The following RPAP3 variants were observed in gnomAD, a reference collection of about 807,000 sequenced individuals.
RPAP3 encodes RNA polymerase II-associated protein 3.
In RPAP3, 58 loss-of-function variants were observed where a neutral mutation model predicts 88.8. That is an observed-to-expected ratio of 0.65 (90% CI 0.53 to 0.81). RPAP3 has a LOEUF of 0.81. RPAP3 is among the 40% of genes least tolerant of loss of function. The pLI, the probability that RPAP3 is intolerant of heterozygous loss-of-function variation, is 0.00. For missense variants in RPAP3, 751 were observed against 764.3 expected (o/e 0.98, Z 0.20); for synonymous variants, 255 against 259.9 (o/e 0.98, Z 0.18).
chr12:47,663,613 C>T (rs777987203), intron 16 of RPAP3, 23 bp from the exon 17 acceptor site: 22 of 1,367,332 alleles, frequency 1.6e-5, no homozygotes, highest in Non-Finnish European at 2.2e-5. Context: ...AAGAAATTCT[C>T]CATTTTAATC....
chr12:47,674,285 T>C (rs901492525), intron 12 of RPAP3, among the ~76,000 whole-genome samples: 6 of 151,976 alleles, frequency 3.9e-5, no homozygotes, highest in African/African-American at 1.5e-4. Flanking sequence ...ACCACAAAGA[T>C]GGGGAGAAAC....
chr12:47,687,143 T>G (rs1489114966), intron 8 of RPAP3, among the ~76,000 whole-genome samples: 1 of 152,158 alleles, frequency 6.6e-6, no homozygotes, highest in Non-Finnish European at 1.5e-5. Context: ...CTACATTACT[T>G]TGCAGCATTC....
In RPAP3 at chr12:47,684,510, T is replaced by C. The variant is rs555934336; in HGVS notation, c.992+2270A>G. ...CCGTAATACATAACAACAGTCTCCA[T>C]GTACAGAAAAAAATTCTGATATTAA... On this transcript the variant is annotated intron_variant, in intron 9 of 16. Coordinates refer to ENST00000005386, the MANE Select transcript of RPAP3 (RefSeq NM_024604.3). Among the ~76,000 whole-genome samples the C allele has an allele frequency of 2.6e-5, 4 of 152,260 alleles. No individual in the cohort carries two copies. The South Asian group carries it at 6.2e-4, about 24-fold the overall frequency.
In RPAP3 at chr12:47,686,873, CTTTCATA is replaced by C. The variant is rs1316737948; in HGVS notation, c.892_898del (p.Tyr298GlufsTer10). 6.2e-7 allele frequency: 1 copy of C among 1,602,226 alleles called. No individual in the cohort carries two copies. The highest frequency in any genetic ancestry group is 8.5e-7 in the Non-Finnish European group (1 of 1,172,380). On this transcript the variant is annotated frameshift_variant, in exon 9 of 17. Transcript: ENST00000005386. LOFTEE classifies it high-confidence loss of function. ...CCCTCGAGTATAGCATTCAATTGCT[CTTTCATA>C]TTTCCCCTCTTTGAAAAATCCATTC...
At chr12:47,672,859 T>C (rs975386592) in intron 12 of RPAP3, among the ~76,000 whole-genome samples, 1 of 152,206 alleles carries the variant, frequency 6.6e-6, no homozygotes, top group Admixed American at 6.5e-5. Flanking sequence ...GGGCCCAACA[T>C]ATTTGTAAAA....
intron 3 of RPAP3, among the ~76,000 whole-genome samples, chr12:47,698,680 A>AT (rs1378304406): frequency 6.6e-6 from 1 of 151,988 alleles, no homozygotes; most frequent in African/African-American, 2.4e-5. Flanking sequence ...TGCGCAGCTA[A>AT]TTTTTTTATT....
intron 8 of RPAP3, 89 bp from the exon 9 acceptor site, chr12:47,686,996 T>A: frequency 1.4e-6 from 1 of 725,072 alleles, no homozygotes; most frequent in South Asian, 2.7e-5. Flanking sequence ...TGCAAGGATA[T>A]TCACCAACAG....
Position 47,669,113 on chromosome 12 carries a change from T to C in RPAP3, c.1527-11A>G, listed in dbSNP as rs748931106. ...AAACTGGCTTGAGGTCTGAAATATT[T>C]CAGAGGTATCAAACAGAAAAGAACC... is the stretch of plus-strand genomic sequence containing the variant. On this transcript the variant is annotated splice_polypyrimidine_tract_variant and intron_variant, in intron 13 of 16. Coordinates refer to ENST00000005386, the MANE Select transcript of RPAP3 (RefSeq NM_024604.3). The C allele has an allele frequency of 1.3e-6, 2 of 1,594,642 alleles. No individual in the cohort carries two copies. Among genetic ancestry groups the C allele is most frequent in the Non-Finnish European group, 1.7e-6 (2 of 1,164,094 alleles).
intron 12 of RPAP3, among the ~76,000 whole-genome samples, chr12:47,676,933 A>T (rs1939127637): frequency 6.6e-6 from 1 of 152,100 alleles, no homozygotes; most frequent in Admixed American, 6.5e-5. Context: ...GCAAAGACAC[A>T]ACAAAAAAAA....
chr12:47,665,016 G>C (rs116663585), intron 16 of RPAP3, among the ~76,000 whole-genome samples: 2 of 151,996 alleles, frequency 1.3e-5, no homozygotes, highest in East Asian at 3.9e-4. Context: ...CACAAGTGAA[G>C]ATATGTAGGA....
chr12:47,675,830 G>A (rs1939101947), intron 12 of RPAP3, among the ~76,000 whole-genome samples: 1 of 152,338 alleles, frequency 6.6e-6, no homozygotes, highest in South Asian at 2.1e-4. Context: ...ATATTGGACA[G>A]ATCAACGAGA....
intron 12 of RPAP3, among the ~76,000 whole-genome samples, chr12:47,672,519 G>A (rs986834076): frequency 1.3e-5 from 2 of 152,164 alleles, no homozygotes; most frequent in African/African-American, 4.8e-5. Flanking sequence ...GATAACGCAG[G>A]GATTAACTAA....
intron 1 of RPAP3, among the ~76,000 whole-genome samples, chr12:47,704,657 C>A (rs537635709): frequency 3.9e-4 from 59 of 151,866 alleles, no homozygotes; most frequent in African/African-American, 1.4e-3. Context: ...GGATTATAGG[C>A]ATGAGCCACC....
chr12:47,698,432 G>A (rs1939581755), intron 3 of RPAP3, among the ~76,000 whole-genome samples: 1 of 151,488 alleles, frequency 6.6e-6, no homozygotes, highest in African/African-American at 2.4e-5. Flanking sequence ...CTACTTTCAT[G>A]GTAATAAATA....
rs572846511 is a variant in RPAP3 at position 47,670,271 on chromosome 12, A to G, written c.1362T>C (p.Thr454=). The change falls in exon 13 of 17, where the codon ACT becomes ACC. Residue 454 remains threonine, a synonymous_variant. Coordinates refer to ENST00000005386, the MANE Select transcript of RPAP3 (RefSeq NM_024604.3). ...IQTIDVPDST[T]AAAPENNPIN... is the part of the protein sequence containing the mutation. Reference sequence around the variant, plus strand: ...TAGGATTATTCTCTGGAGCAGCAGCAGTAGTGCTATCTGGCACATCAATAG... The same window carrying G: ...TAGGATTATTCTCTGGAGCAGCAGCGGTAGTGCTATCTGGCACATCAATAG... 1 of 1,613,632 alleles carries G rather than the reference A, an allele frequency of 6.2e-7. No individual in the cohort carries two copies. The highest frequency in any genetic ancestry group is 2.2e-5 in the East Asian group (1 of 44,862).
intron 12 of RPAP3, among the ~76,000 whole-genome samples, chr12:47,670,737 G>C (rs1938981483): frequency 6.6e-6 from 1 of 152,156 alleles, no homozygotes; most frequent in Admixed American, 6.6e-5. Context: ...AAGTCCAGTG[G>C]GGCTGGTGCA....
In RPAP3 at chr12:47,689,051, C is replaced by A. The variant is rs948786211; in HGVS notation, c.738+74G>T. 8 of 706,426 alleles carry A rather than the reference C, an allele frequency of 1.1e-5. No individual in the cohort carries two copies. In the South Asian group the frequency reaches 1.2e-4, roughly 10 times the overall value. The allele number at this position is 706,426 out of a possible 1,614,324, so 43.8% of individuals were successfully genotyped here. A position where few individuals can be genotyped will look rare whatever the true frequency, so the allele number is the denominator to read the frequency against. ...TCTCAATATTAAGAAATCTATAGTA[C>A]AAAATCTATGCAAAAAGCTTTACTT... On this transcript the variant is annotated intron_variant, in intron 7 of 16. Transcript: ENST00000005386.
intron 3 of RPAP3, among the ~76,000 whole-genome samples, chr12:47,700,640 G>A (rs951611650): frequency 6.6e-6 from 1 of 152,216 alleles, no homozygotes; most frequent in Non-Finnish European, 1.5e-5. Context: ...GTGGCTGCTT[G>A]AAACACTGGT....
chr12:47,666,916 T>C (rs897910107), intron 16 of RPAP3, 64 bp downstream of exon 16: 2 of 692,934 alleles, frequency 2.9e-6, no homozygotes, highest in Non-Finnish European at 2.4e-6. Flanking sequence ...ATGTCAGCTA[T>C]TATTTGTTGA....
Sources: allele counts gnomAD v4.1 joint callset (sites outside exome capture counted in the v4.1 genomes callset), GRCh38; gene constraint gnomAD v4.1.1; transcripts MANE v1.5; gene names NCBI Gene and HGNC (gene_info 2026-07-23, HGNC 2026-07-21).